SGF29: variants seen among roughly 807,000 people sequenced by gnomAD.
SGF29 encodes SAGA complex associated factor 29, also known as SAGA-associated factor 29.
A neutral mutation model predicts 38.1 loss-of-function variants in SGF29; 15 were observed. That is an observed-to-expected ratio of 0.39 (90% CI 0.26 to 0.61). SGF29 has a LOEUF of 0.61. Among genes scored for constraint, SGF29 ranks in the 20% least tolerant of loss-of-function variants. The pLI, the probability that SGF29 is intolerant of heterozygous loss-of-function variation, is 0.49. For synonymous variants in SGF29, 151 were observed against 160.8 expected, an observed-to-expected ratio of 0.94 and a Z score of 0.46; for missense variants, 184 against 394.6, an observed-to-expected ratio of 0.47 and a Z score of 4.52.
chr16:28,575,127 A>G (rs2046885379), intron 1 of SGF29, among the ~76,000 whole-genome samples: 1 of 152,120 alleles, frequency 6.6e-6, no homozygotes, highest in Admixed American at 6.6e-5. Context: ...CCTATGGTAT[A>G]CAAGCCCTGG....
At chr16:28,557,472 T>C (rs1417784371) in intron 1 of SGF29, among the ~76,000 whole-genome samples, 6 of 152,212 alleles carry the variant, frequency 3.9e-5, no homozygotes, top group African/African-American at 1.4e-4. Flanking sequence ...CATTGTGACA[T>C]CCTTTATAAT....
chr16:28,562,281 G>A (rs757029845), intron 1 of SGF29, among the ~76,000 whole-genome samples: 4 of 152,152 alleles, frequency 2.6e-5, no homozygotes, highest in Non-Finnish European at 5.9e-5. Context: ...TCATCAAGTA[G>A]GTGCTCTTGT....
chr16:28,569,918 A>C (rs1457458440), intron 1 of SGF29, among the ~76,000 whole-genome samples: 1 of 152,196 alleles, frequency 6.6e-6, no homozygotes, highest in Non-Finnish European at 1.5e-5. Context: ...CAGCATCCAC[A>C]TGGCGCTGTC....
intron 1 of SGF29, among the ~76,000 whole-genome samples, chr16:28,558,091 C>G (rs1363009154): frequency 6.8e-6 from 1 of 146,446 alleles, no homozygotes; most frequent in Non-Finnish European, 1.5e-5. Context: ...CTACAGGAGT[C>G]CACCACCACA....
intron 1 of SGF29, among the ~76,000 whole-genome samples, chr16:28,560,686 G>A (rs1053830563): frequency 6.6e-6 from 1 of 151,998 alleles, no homozygotes; most frequent in African/African-American, 2.4e-5. Flanking sequence ...AACGGGCCCG[G>A]CGCAGTGGCT....
At chr16:28,585,063 T>C (rs1596607069) in intron 3 of SGF29, 75 bp downstream of exon 3, 1 of 1,128,964 alleles carries the variant, frequency 8.9e-7, no homozygotes, top group South Asian at 1.3e-5. Context: ...GTGACCGAGG[T>C]GGTCATTGTA....
chr16:28,564,717 G>GTA (rs1198204396), intron 1 of SGF29, among the ~76,000 whole-genome samples: 4,911 of 56,788 alleles, frequency 0.086, 411 homozygotes, highest in Non-Finnish European at 0.14. Flanking sequence ...ACATATATAT[G>GTA]TATATATATA....
chr16:28,562,986 T>C (rs1265910652), intron 1 of SGF29, among the ~76,000 whole-genome samples: 1 of 148,806 alleles, frequency 6.7e-6, no homozygotes. Flanking sequence ...CTTCCACACA[T>C]AGAAAGCAGT....
intron 9 of SGF29, 41 bp from the exon 10 acceptor site, chr16:28,591,548 TG>T: frequency 1.4e-6 from 2 of 1,433,040 alleles, no homozygotes; most frequent in Non-Finnish European, 2.0e-6. Context: ...TGTCCTGGCC[TG>T]GGGGTCTCTG....
chr16:28,564,580 C>CATATATATGT (rs1450326835), intron 1 of SGF29, among the ~76,000 whole-genome samples: 63 of 116,306 alleles, frequency 5.4e-4, no homozygotes, highest in South Asian at 5.1e-3. Flanking sequence ...TATATATACA[C>CATATATATGT]GTATATATAT....
In SGF29 at chr16:28,590,199, C is replaced by T; in HGVS notation, c.393C>T (p.Pro131=). Residue 131 remains proline (P), a synonymous_variant, in exon 6 of 10, where the codon CCC becomes CCT. Transcript: ENST00000317058. The surrounding 1 kb of genome is among the most constrained non-coding windows in gnomAD (Gnocchi z 8.2). Reference sequence around the variant, plus strand: ...TGCAGCAGTCGGCCATGACCCTGCCCCTGTGGATCGGGAAGCCTGGTGACA... The same window carrying T: ...TGCAGCAGTCGGCCATGACCCTGCCTCTGTGGATCGGGAAGCCTGGTGACA... The part of the protein sequence containing the change: ...TLLQQSAMTL[P]LWIGKPGDKP... 3.7e-6 allele frequency: 6 copies of T among 1,611,022 alleles called. No homozygotes were observed. The highest frequency in any genetic ancestry group is 1.1e-5 in the South Asian group (1 of 90,292).
intron 4 of SGF29, 99 bp from the exon 5 acceptor site, chr16:28,589,001 C>T: frequency 2.3e-6 from 3 of 1,293,928 alleles, no homozygotes; most frequent in Non-Finnish European, 3.3e-6. Context: ...CCGGGACCAG[C>T]CTGGGCAATG....
At chr16:28,558,993 GACTA>G (rs1195310503) in intron 1 of SGF29, among the ~76,000 whole-genome samples, 1 of 152,188 alleles carries the variant, frequency 6.6e-6, no homozygotes, top group Admixed American at 6.5e-5. Flanking sequence ...ACAACCTTGT[GACTA>G]ACATAACACT....
At chr16:28,569,916 A>G (rs2046854977) in intron 1 of SGF29, among the ~76,000 whole-genome samples, 1 of 152,224 alleles carries the variant, frequency 6.6e-6, no homozygotes. Context: ...GGCAGCATCC[A>G]CATGGCGCTG....
intron 2 of SGF29, 79 bp from the exon 3 acceptor site, chr16:28,584,834 G>T: frequency 1.1e-6 from 1 of 926,464 alleles, no homozygotes; most frequent in Non-Finnish European, 1.7e-6. Context: ...TTTTGGGGAT[G>T]GGGACTCTGG....
chr16:28,589,069 A>G (rs758825127), intron 4 of SGF29, 31 bp from the exon 5 acceptor site: 11 of 1,613,326 alleles, frequency 6.8e-6, no homozygotes, highest in Non-Finnish European at 7.6e-6. Flanking sequence ...ACGTTAACCA[A>G]ACCCTCTTTC....
chr16:28,564,745 GTATATATATGTATATATGTA>G (rs1411322813), intron 1 of SGF29, among the ~76,000 whole-genome samples: 4 of 23,484 alleles, frequency 1.7e-4, no homozygotes, highest in Non-Finnish European at 2.5e-4. Flanking sequence ...ATGTATATAT[GTATATATATGTATATATGTA>G]TATATATGTA....
Position 28,585,828 on chromosome 16 carries a change from G to T in SGF29, c.224+108G>T, listed in dbSNP as rs564765158. On this transcript the variant is annotated intron_variant, in intron 4 of 9. Coordinates refer to ENST00000317058, the MANE Select transcript of SGF29 (RefSeq NM_138414.3). ...CCTGCCTTCCTCCCATGGATAAGCT[G>T]ATTGCTACTCCCAGCCTCTCGCTTG... is the stretch of plus-strand genomic sequence containing the variant. 5.9e-6 allele frequency: 6 copies of T among 1,025,042 alleles called. No individual in the cohort carries two copies. The African/African-American group carries it at 9.5e-5, about 16-fold the overall frequency. 63.5% of individuals were successfully genotyped at this position (1,025,042 alleles called of 1,614,324 possible). A position where few individuals can be genotyped will look rare whatever the true frequency, so the allele number is the denominator to read the frequency against.
At chr16:28,570,103 G>C (rs2046856498) in intron 1 of SGF29, among the ~76,000 whole-genome samples, 1 of 152,142 alleles carries the variant, frequency 6.6e-6, no homozygotes, top group African/African-American at 2.4e-5. Context: ...GGTTGCCTCT[G>C]AGACCCCAGA....
Sources: allele counts gnomAD v4.1 joint callset (sites outside exome capture counted in the v4.1 genomes callset), GRCh38; gene constraint gnomAD v4.1.1; non-coding constraint Gnocchi (gnomAD v3.1); transcripts MANE v1.5; gene names NCBI Gene and HGNC (gene_info 2026-07-23, HGNC 2026-07-21).